The following P3H2 variants were observed in gnomAD, a reference collection of about 807,000 sequenced individuals.
The protein encoded by P3H2 is leprecan-like 1.
In P3H2, 80 loss-of-function variants were observed where a neutral mutation model predicts 87.0. That is an observed-to-expected ratio of 0.92 (90% CI 0.77 to 1.11). The LOEUF (loss-of-function observed/expected upper bound fraction) is 1.11. P3H2 is among the 50% of genes least tolerant of loss of function. The probability of loss-of-function intolerance (pLI) is 0.00; values close to 1 mark genes in which losing one functional copy is unlikely to be tolerated. For missense variants in P3H2, 1,001 were observed against 923.9 expected, an observed-to-expected ratio of 1.08 and a Z score of -1.08; for synonymous variants, 367 against 359.3, an observed-to-expected ratio of 1.02 and a Z score of -0.24.
In P3H2 at chr3:190,015,482, C is replaced by T. The variant is rs574606436; in HGVS notation, c.481-20040G>A. ...CTGAAGAATAACTGATTCCAACCCA[C>T]GGTTTTCCCTTCATGCCAATACCAG... is the stretch of plus-strand genomic sequence containing the variant. On this transcript the variant is annotated intron_variant, in intron 1 of 14. Coordinates refer to ENST00000319332, the MANE Select transcript of P3H2 (RefSeq NM_018192.4). Among the ~76,000 whole-genome samples, 24 of 152,264 alleles carry T rather than the reference C, an allele frequency of 1.6e-4. No individual in the cohort carries two copies. In the South Asian group the frequency reaches 3.3e-3, roughly 21 times the overall value.
chr3:189,976,457 T>C (rs1723351992), intron 8 of P3H2, among the ~76,000 whole-genome samples: 1 of 152,198 alleles, frequency 6.6e-6, no homozygotes, highest in Non-Finnish European at 1.5e-5. Context: ...CCATCAGATC[T>C]TGTGAGACTT....
At position 189,974,909 on chromosome 3, in the gene P3H2, C is replaced by T. The variant is rs710547; in HGVS notation, c.1325-224G>A. On this transcript the variant is annotated intron_variant, in intron 8 of 14. Coordinates refer to ENST00000319332, the MANE Select transcript of P3H2 (RefSeq NM_018192.4). Reference sequence around the variant, plus strand: ...CATAATGTCATAATAATGTTACATGCGTACATTATTTTGGGAGAGATAGAA... The same window carrying T: ...CATAATGTCATAATAATGTTACATGTGTACATTATTTTGGGAGAGATAGAA... 0.22 allele frequency among the ~76,000 whole-genome samples: 33,365 copies of T among 152,086 alleles called. 3,793 individuals are homozygous for T. The highest frequency in any genetic ancestry group is 0.26 in the Non-Finnish European group (17,618 of 67,976).
chr3:190,011,149 C>A (rs1232836347), intron 1 of P3H2, among the ~76,000 whole-genome samples: 1 of 151,982 alleles, frequency 6.6e-6, no homozygotes, highest in South Asian at 2.1e-4. Context: ...GTGGCACGCA[C>A]CTGTAGTCCC....
At chr3:190,048,355 G>A (rs1396891510) in intron 1 of P3H2, among the ~76,000 whole-genome samples, 2 of 152,064 alleles carry the variant, frequency 1.3e-5, no homozygotes, top group African/African-American at 4.8e-5. Flanking sequence ...AAGTTATCTG[G>A]GCATGGTGGC....
intron 13 of P3H2, among the ~76,000 whole-genome samples, chr3:189,967,520 ATGCCAGTATTTTTGTACCTCAGTTTCAG>A (rs1163391920): frequency 6.7e-6 from 1 of 150,144 alleles, no homozygotes; most frequent in African/African-American, 2.5e-5. Flanking sequence ...AAACTGCGAA[ATGCCAGTATTTTTGTACCTCAGTTTCAG>A]TGTTAGCAGA....
At chr3:189,964,497 C>G (rs987431668) in intron 13 of P3H2, among the ~76,000 whole-genome samples, 1 of 152,232 alleles carries the variant, frequency 6.6e-6, no homozygotes, top group South Asian at 2.1e-4. Flanking sequence ...AATTAACAAA[C>G]AAACAAACAG....
rs1712528156 is a variant in P3H2, at chr3:190,120,580, C to G, written c.152G>C (p.Gly51Ala). ...GTCTCCGCTGTAGTAGGCGGCCGCG[C>G]CGCTGGCGTAGAGCAGGTCGAAGGG... is the stretch of plus-strand genomic sequence containing the variant. ...LQPFDLLYAS[G>A]AAAYYSGDYE... Residue 51 changes from glycine to alanine, a missense_variant, in exon 1 of 15, where the codon GGC becomes GCC. By Grantham distance (60) the Gly-to-Ala change is moderately conservative. Transcript: ENST00000319332. 2 of 1,541,698 alleles carry G rather than the reference C, an allele frequency of 1.3e-6. No individual in the cohort carries two copies. Among genetic ancestry groups the G allele is most frequent in the African/African-American group, 2.8e-5 (2 of 70,734 alleles).
intron 1 of P3H2, among the ~76,000 whole-genome samples, chr3:190,012,465 T>C (rs892261433): frequency 1.3e-5 from 2 of 152,194 alleles, no homozygotes; most frequent in Non-Finnish European, 2.9e-5. Context: ...AGCTCTTGCC[T>C]GACTGCTCGT....
intron 1 of P3H2, among the ~76,000 whole-genome samples, chr3:190,111,534 C>T (rs1712069946): frequency 6.6e-6 from 1 of 151,848 alleles, no homozygotes; most frequent in South Asian, 2.1e-4. Flanking sequence ...GAAAGAATGC[C>T]TTTTTTAAAA....
chr3:190,089,119 C>T (rs766739065), intron 1 of P3H2, among the ~76,000 whole-genome samples: 54 of 152,160 alleles, frequency 3.5e-4, no homozygotes, highest in Non-Finnish European at 7.2e-4. Context: ...TGCCAAGTGA[C>T]TAAGGAAGTT....
At chr3:190,111,162 G>A (rs66538426) in intron 1 of P3H2, among the ~76,000 whole-genome samples, 18,777 of 152,166 alleles carry the variant, frequency 0.12, 1,289 homozygotes, top group Middle Eastern at 0.21. Flanking sequence ...GTTTTCCCCA[G>A]AAGTAGGAAG....
At chr3:190,113,624 C>T (rs838695) in intron 1 of P3H2, among the ~76,000 whole-genome samples, 18,550 of 152,200 alleles carry the variant, frequency 0.12, 1,382 homozygotes, top group Non-Finnish European at 0.17. Flanking sequence ...TATCAAGTCT[C>T]GCCTATGAGG....
At chr3:189,959,908 G>GTC in intron 14 of P3H2, among the ~76,000 whole-genome samples, 1 of 131,992 alleles carries the variant, frequency 7.6e-6, no homozygotes, top group Non-Finnish European at 1.6e-5. Flanking sequence ...GTGTGTGTGT[G>GTC]TGTGTTGGGG....
chr3:190,062,379 T>C (rs1031600542), intron 1 of P3H2, among the ~76,000 whole-genome samples: 7 of 152,316 alleles, frequency 4.6e-5, no homozygotes, highest in African/African-American at 1.7e-4. Flanking sequence ...GCATCATTTA[T>C]TTAATGCTCT....
At chr3:189,969,127 G>A in intron 13 of P3H2, 1 of 562,054 alleles carries the variant, frequency 1.8e-6, no homozygotes, top group Non-Finnish European at 3.3e-6. Flanking sequence ...TAAACTTTTG[G>A]CTTTACTAGC....
At chr3:189,973,074 G>GT in intron 10 of P3H2, 50 bp from the exon 11 acceptor site, 1 of 1,553,636 alleles carries the variant, frequency 6.4e-7, no homozygotes, top group Non-Finnish European at 8.8e-7. Context: ...ATTGGAGGTC[G>GT]TAAGAAAAAC....
chr3:189,966,456 T>G (rs3773932), intron 13 of P3H2, among the ~76,000 whole-genome samples: 4 of 152,238 alleles, frequency 2.6e-5, no homozygotes, highest in African/African-American at 9.6e-5. Context: ...TATGAGGCGG[T>G]TGGAACTGAT....
Position 189,989,172 on chromosome 3 carries a change from C to T in P3H2, c.824-134G>A, listed in dbSNP as rs944103229. On this transcript the variant is annotated intron_variant, in intron 3 of 14. Transcript: ENST00000319332. Reference sequence around the variant, plus strand: ...ACCAAATTATTATAATCCTCACTTCCGGACTGCAAAACCTTTTTACAAAGA... The same window carrying T: ...ACCAAATTATTATAATCCTCACTTCTGGACTGCAAAACCTTTTTACAAAGA... The T allele has an allele frequency of 2.7e-5, 29 of 1,089,498 alleles. No individual in the cohort carries two copies. In the Admixed American group the frequency reaches 2.8e-4, roughly 10 times the overall value. The allele number at this position is 1,089,498 out of a possible 1,614,324, so 67.5% of individuals were successfully genotyped here. A position where few individuals can be genotyped will look rare whatever the true frequency, so the allele number is the denominator to read the frequency against.
intron 1 of P3H2, among the ~76,000 whole-genome samples, chr3:189,995,752 G>GA (rs917788801): frequency 2.0e-5 from 3 of 151,170 alleles, no homozygotes; most frequent in Non-Finnish European, 2.9e-5. Context: ...ATAAAAAGCT[G>GA]AAAAAACTCT....
Sources: gnomAD v4.1 joint callset for allele counts (sites outside exome capture counted in the v4.1 genomes callset) on GRCh38, gnomAD v4.1.1 for gene constraint, MANE v1.5 for transcripts, NCBI Gene and HGNC (gene_info 2026-07-23, HGNC 2026-07-21) for gene names.